The following F10 variants were observed in gnomAD, a reference collection of about 807,000 sequenced individuals.
The protein encoded by F10 is coagulation factor X, also known as Stuart-Prower factor.
In F10, 29 loss-of-function variants were observed where a neutral mutation model predicts 37.1. The ratio of observed to expected loss-of-function variants is 0.78; its 90% CI spans 0.58 to 1.07. The LOEUF (loss-of-function observed/expected upper bound fraction) is 1.07, where lower values mean the gene tolerates loss of function less well. F10 is among the 50% of genes least tolerant of loss of function. F10 has a pLI of 0.00. For synonymous variants in F10, 262 were observed against 268.6 expected (o/e 0.98, Z 0.24); for missense variants, 539 against 667.9 (o/e 0.81, Z 2.13).
chr13:113,139,309 T>C lies in F10; in HGVS notation c.257-48T>C, dbSNP rs1320655236. ...TAGCACAGCAAAACTGTTTCCATGA[T>C]GCCGGAAACAGCTTGCAGACTCCAG... On this transcript the variant is annotated intron_variant, in intron 3 of 7. Transcript: ENST00000375559. This position sits in a 1 kb window ranked among gnomAD's most constrained non-coding sequence, Gnocchi z 5.2. 6.6e-7 allele frequency: 1 copy of C among 1,506,662 alleles called. No homozygotes were observed. Among genetic ancestry groups the C allele is most frequent in the Non-Finnish European group, 9.2e-7 (1 of 1,084,166 alleles). The allele number at this position is 1,506,662 out of a possible 1,614,324, so 93.3% of individuals were successfully genotyped here.
chr13:113,129,065 T>A (rs1469741077), intron 1 of F10, among the ~76,000 whole-genome samples: 1 of 152,196 alleles, frequency 6.6e-6, no homozygotes, highest in African/African-American at 2.4e-5. Context: ...GCCTGCTATA[T>A]GTCATGTGAT....
chr13:113,146,099 C>T lies in F10; in HGVS notation c.748-1280C>T, dbSNP rs1235019942. ...GACCGTGTGGCGGGTGAGCCTCTGT[C>T]TAACTATAAAGAGCCAAGCGAGAGA... On this transcript the variant is annotated intron_variant, in intron 6 of 7. Coordinates refer to ENST00000375559, the MANE Select transcript of F10 (RefSeq NM_000504.4). The surrounding 1 kb of genome is among the most constrained non-coding windows in gnomAD (Gnocchi z 4.5). Among the ~76,000 whole-genome samples the T allele has an allele frequency of 6.6e-6, 1 of 152,170 alleles. No individual in the cohort carries two copies.
rs1323844766 is a variant in F10, at chr13:113,146,874, C to A, written c.748-505C>A. 2.6e-5 allele frequency among the ~76,000 whole-genome samples: 4 copies of A among 152,120 alleles called. No individual in the cohort carries two copies. The highest frequency in any genetic ancestry group is 5.9e-5 in the Non-Finnish European group (4 of 68,018). On this transcript the variant is annotated intron_variant, in intron 6 of 7. Transcript: ENST00000375559. The surrounding 1 kb of genome is among the most constrained non-coding windows in gnomAD (Gnocchi z 4.5). Reference sequence around the variant, plus strand: ...CCTGGGACCGTGTTCCAAGTCCTGGCAGGTAGGAGACCCTTCACAGGAGCT... The same window carrying A: ...CCTGGGACCGTGTTCCAAGTCCTGGAAGGTAGGAGACCCTTCACAGGAGCT...
At chr13:113,124,698 G>A (rs749481822) in intron 1 of F10, among the ~76,000 whole-genome samples, 15 of 152,254 alleles carry the variant, frequency 9.9e-5, no homozygotes, top group African/African-American at 3.1e-4. Context: ...TGGCAGTCAC[G>A]GAAGTTCTTC....
In F10 at chr13:113,146,377, G is replaced by A. The variant is rs2036582710; in HGVS notation, c.748-1002G>A. Among the ~76,000 whole-genome samples the A allele has an allele frequency of 6.6e-6, 1 of 152,202 alleles. No homozygotes were observed. Among genetic ancestry groups the A allele is most frequent in the South Asian group, 2.1e-4 (1 of 4,836 alleles). On this transcript the variant is annotated intron_variant, in intron 6 of 7. Transcript: ENST00000375559. The surrounding 1 kb of genome is among the most constrained non-coding windows in gnomAD (Gnocchi z 4.5). ...AGGAAAAGCCTCTTGTGGGGCTGAG[G>A]AGCTGGACTTGGAGCTGCAGGCGGG...
chr13:113,148,345 A>AATATATATATATAT (rs1555396300), intron 7 of F10, among the ~76,000 whole-genome samples: 5 of 95,436 alleles, frequency 5.2e-5, no homozygotes, highest in East Asian at 4.3e-4. Context: ...AAAAAAAAAA[A>AATATATATATATAT]ATATATATAT....
chr13:113,130,421 TG>T (rs1204102341), intron 2 of F10: 7 of 152,910 alleles, frequency 4.6e-5, no homozygotes, highest in Non-Finnish European at 1.5e-5. Context: ...GAAAGGTGCC[TG>T]CAGGACAGGG....
chr13:113,134,407 T>C (rs1230808122), intron 2 of F10, among the ~76,000 whole-genome samples: 1 of 152,154 alleles, frequency 6.6e-6, no homozygotes, highest in Non-Finnish European at 1.5e-5. Flanking sequence ...CTTACAATCA[T>C]GGCAGAAAAG....
At chr13:113,132,327 C>T (rs1294094644) in intron 2 of F10, among the ~76,000 whole-genome samples, 1 of 152,192 alleles carries the variant, frequency 6.6e-6, no homozygotes. Flanking sequence ...CATCGTTTCT[C>T]AAACACTCTT....
rs764589800 is a variant in F10, at chr13:113,138,470, A to G, written c.245A>G (p.Asn82Ser). The G allele has an allele frequency of 6.5e-6, 9 of 1,381,572 alleles. No individual in the cohort carries two copies. Among genetic ancestry groups the G allele is most frequent in the Admixed American group, 3.4e-5 (2 of 58,280 alleles). The allele number at this position is 1,381,572 out of a possible 1,614,324, so 85.6% of individuals were successfully genotyped here. Residue 82 changes from asparagine (N) to serine (S), a missense_variant, in exon 3 of 8, where the codon AAT becomes AGT. Physicochemically the swap from Asn to Ser is conservative, Grantham distance 46. Transcript: ENST00000375559. ...EDSDKTNEFW[N>S]KYKDGDQCET... ...TTTTCCTTTTAGAATGAATTCTGGA[A>G]TAAATACAAAGGTCAGTATTTTTTC...
chr13:113,135,025 A>G (rs2036465788), intron 2 of F10, among the ~76,000 whole-genome samples: 1 of 151,868 alleles, frequency 6.6e-6, no homozygotes, highest in Non-Finnish European at 1.5e-5. Flanking sequence ...TGGATCACCT[A>G]AGGTCGGGAG....
intron 2 of F10, among the ~76,000 whole-genome samples, chr13:113,134,199 A>G (rs1201917957): frequency 1.3e-5 from 2 of 152,254 alleles, no homozygotes; most frequent in Non-Finnish European, 2.9e-5. Context: ...CAGTAAGTCA[A>G]GAAAAAGAAA....
In F10 at chr13:113,143,709, T is replaced by A; in HGVS notation, c.503-142T>A. On this transcript the variant is annotated intron_variant, in intron 5 of 7. Coordinates refer to ENST00000375559, the MANE Select transcript of F10 (RefSeq NM_000504.4). The surrounding 1 kb of genome is among the most constrained non-coding windows in gnomAD (Gnocchi z 6.8). The stretch of plus-strand genomic sequence containing the variant: ...CGACCCCTGCCGACGACGTGGGGCC[T>A]CGCCCTGCAAGCCCGCTGCCCCTCC... 9.9e-6 allele frequency: 13 copies of A among 1,311,348 alleles called. No homozygotes were observed. The highest frequency in any genetic ancestry group is 6.1e-5 in the Admixed American group (3 of 49,062). 81.2% of individuals were successfully genotyped at this position (1,311,348 alleles called of 1,614,324 possible).
chr13:113,122,986 T>G, intron 1 of F10, 61 bp downstream of exon 1: 2 of 1,567,512 alleles, frequency 1.3e-6, no homozygotes, highest in South Asian at 1.1e-5. Context: ...GGGGCGGCAG[T>G]TGGGGAAACC....
At chr13:113,132,695 A>G (rs2036445393) in intron 2 of F10, among the ~76,000 whole-genome samples, 1 of 152,232 alleles carries the variant, frequency 6.6e-6, no homozygotes, top group Non-Finnish European at 1.5e-5. Context: ...GTATGATATG[A>G]TACAACTGGC....
intron 3 of F10, among the ~76,000 whole-genome samples, chr13:113,138,987 G>A (rs1381006857): frequency 6.6e-6 from 1 of 152,214 alleles, no homozygotes; most frequent in Non-Finnish European, 1.5e-5. Context: ...TTTGCCCCAG[G>A]ATGATTTGGA....
intron 6 of F10, 140 bp from the exon 7 acceptor site, chr13:113,147,234 ACTGTC>A (rs2036590585): frequency 1.4e-6 from 1 of 693,206 alleles, no homozygotes; most frequent in East Asian, 2.7e-5. Context: ...CAGACAAGGA[ACTGTC>A]CTTGGGTGGA....
chr13:113,143,741 CCCT>C lies in F10; in HGVS notation c.503-109_503-107del. 1 of 1,524,764 alleles carries C rather than the reference CCCT, an allele frequency of 6.6e-7. No individual in the cohort carries two copies. Among genetic ancestry groups the C allele is most frequent in the African/African-American group, 1.4e-5 (1 of 72,800 alleles). 94.5% of individuals were successfully genotyped at this position (1,524,764 alleles called of 1,614,324 possible). On this transcript the variant is annotated intron_variant, in intron 5 of 7. Transcript: ENST00000375559. The surrounding 1 kb of genome is among the most constrained non-coding windows in gnomAD (Gnocchi z 6.8). ...GCAAGCCCGCTGCCCCTCCGGGTGC[CCCT>C]GCGCTCTGCCTCCCGGCTCTCTGAC...
chr13:113,141,748 G>A lies in F10; in HGVS notation c.502+698G>A, dbSNP rs916747752. 9.2e-5 allele frequency among the ~76,000 whole-genome samples: 14 copies of A among 152,122 alleles called. No homozygotes were observed. The highest frequency in any genetic ancestry group is 2.6e-4 in the Admixed American group (4 of 15,282). On this transcript the variant is annotated intron_variant, in intron 5 of 7. Coordinates refer to ENST00000375559, the MANE Select transcript of F10 (RefSeq NM_000504.4). The surrounding 1 kb of genome is among the most constrained non-coding windows in gnomAD (Gnocchi z 5.4). ...AGGCCCTCGAAGGCGGGGCCTAGGC[G>A]TCACAGCTGCACCTTGCACAGCAAC...
Sources: gnomAD v4.1 joint callset for allele counts (sites outside exome capture counted in the v4.1 genomes callset) on GRCh38, gnomAD v4.1.1 for gene constraint, Gnocchi (gnomAD v3.1) non-coding constraint, MANE v1.5 for transcripts, NCBI Gene and HGNC (gene_info 2026-07-23, HGNC 2026-07-21) for gene names.